ASTN2: variants seen among roughly 807,000 people sequenced by gnomAD.
ASTN2 encodes the protein astrotactin-2.
ASTN2 carries 54 observed loss-of-function variants against 139.8 expected under a neutral mutation model. That is an observed-to-expected ratio of 0.39 (90% CI 0.31 to 0.48). The LOEUF is 0.48. ASTN2 is among the 20% of genes least tolerant of loss of function. The pLI, the probability that ASTN2 is intolerant of heterozygous loss-of-function variation, is 0.95. For synonymous variants in ASTN2, 756 were observed against 719.5 expected (o/e 1.05, Z -0.81); for missense variants, 1,565 against 1,725.1 (o/e 0.91, Z 1.64).
intron 1 of ASTN2, among the ~76,000 whole-genome samples, chr9:117,332,665 A>G (rs1828750070): frequency 6.6e-6 from 1 of 152,200 alleles, no homozygotes; most frequent in Non-Finnish European, 1.5e-5. Context: ...ACTTGCCTAA[A>G]GCAAGAGCTA....
chr9:116,752,332 AAAAC>A (rs1829422245), intron 13 of ASTN2, among the ~76,000 whole-genome samples: 1 of 152,204 alleles, frequency 6.6e-6, no homozygotes, highest in Admixed American at 6.5e-5. Context: ...AAGAAGAAGA[AAAAC>A]AGACAAAAAT....
chr9:116,929,152 G>T (rs1392714482), intron 10 of ASTN2, among the ~76,000 whole-genome samples: 2 of 152,190 alleles, frequency 1.3e-5, no homozygotes, highest in African/African-American at 4.8e-5. Context: ...AACAAGGAAG[G>T]CTGTGTGCAG....
chr9:117,374,975 C>T (rs1393700079), intron 1 of ASTN2, among the ~76,000 whole-genome samples: 4 of 152,200 alleles, frequency 2.6e-5, no homozygotes, highest in African/African-American at 9.7e-5. Context: ...GACTCAGCTA[C>T]CAAGATCATC....
chr9:117,404,608 C>A (rs1830928216), intron 1 of ASTN2, among the ~76,000 whole-genome samples: 1 of 152,168 alleles, frequency 6.6e-6, no homozygotes, highest in African/African-American at 2.4e-5. Flanking sequence ...AACACGAAAA[C>A]TGCACAATGA....
chr9:117,295,113 G>A (rs1255063699), intron 1 of ASTN2, among the ~76,000 whole-genome samples: 1 of 152,122 alleles, frequency 6.6e-6, no homozygotes, highest in Admixed American at 6.5e-5. Context: ...CTTGAAGCCA[G>A]GCATTTGAGA....
At chr9:116,475,948 C>T (rs1391162899) in intron 20 of ASTN2, among the ~76,000 whole-genome samples, 6 of 152,208 alleles carry the variant, frequency 3.9e-5, no homozygotes, top group Admixed American at 3.9e-4. Context: ...ACAGTCTGTC[C>T]TCTGTCCCAA....
chr9:116,631,463 T>C (rs1257895965), intron 17 of ASTN2, among the ~76,000 whole-genome samples: 2 of 152,126 alleles, frequency 1.3e-5, no homozygotes, highest in Non-Finnish European at 2.9e-5. Context: ...ATAAGCCAGC[T>C]ACAGAAAGAA....
chr9:117,055,000 C>T (rs538272324), intron 5 of ASTN2, among the ~76,000 whole-genome samples: 7 of 152,184 alleles, frequency 4.6e-5, no homozygotes, highest in African/African-American at 1.2e-4. Flanking sequence ...GAGAATCTAA[C>T]GCTGCAGCTG....
chr9:116,478,783 A>G (rs1849073815), intron 20 of ASTN2, among the ~76,000 whole-genome samples: 1 of 152,008 alleles, frequency 6.6e-6, no homozygotes, highest in Non-Finnish European at 1.5e-5. Flanking sequence ...TCACGAGGTC[A>G]GGAGTTCGAA....
In ASTN2 at chr9:116,979,658, C is replaced by T. The variant is rs553768014; in HGVS notation, c.1592-2873G>A. ...ACTCCCAGGACTGATTTATGATCTG[C>T]TACAAGCCACAGGCCTCATGATTCA... On this transcript the variant is annotated intron_variant, in intron 7 of 22. Transcript: ENST00000313400. Among the ~76,000 whole-genome samples, 133 of 152,154 alleles carry T rather than the reference C, an allele frequency of 8.7e-4. 1 individual carries two copies. The highest frequency in any genetic ancestry group is 3.2e-3 in the African/African-American group (132 of 41,508).
At chr9:116,968,430 A>G (rs10759878) in intron 10 of ASTN2, among the ~76,000 whole-genome samples, 31,779 of 152,128 alleles carry the variant, frequency 0.21, 4,140 homozygotes, top group Admixed American at 0.33. Context: ...GAATGAATAC[A>G]CTACCCTAAA....
At chr9:117,175,497 A>G (rs1054057729) in intron 3 of ASTN2, among the ~76,000 whole-genome samples, 1 of 152,172 alleles carries the variant, frequency 6.6e-6, no homozygotes, top group African/African-American at 2.4e-5. Context: ...TTTACAGAAG[A>G]AAATGAATGA....
chr9:116,732,759 G>C (rs1828822246), intron 14 of ASTN2, among the ~76,000 whole-genome samples: 1 of 152,174 alleles, frequency 6.6e-6, no homozygotes, highest in African/African-American at 2.4e-5. Context: ...TGGTTGCAGG[G>C]GTGGGGGAGC....
intron 13 of ASTN2, among the ~76,000 whole-genome samples, chr9:116,776,987 G>T (rs12236431): frequency 6.6e-6 from 1 of 152,144 alleles, no homozygotes; most frequent in Non-Finnish European, 1.5e-5. Flanking sequence ...ACATCGTAAA[G>T]GTTCTGGATT....
intron 10 of ASTN2, among the ~76,000 whole-genome samples, chr9:116,929,202 A>C (rs561796365): frequency 6.6e-6 from 1 of 152,196 alleles, no homozygotes; most frequent in Non-Finnish European, 1.5e-5. Flanking sequence ...CTTAGTACAC[A>C]GACACTGTAA....
intron 11 of ASTN2, among the ~76,000 whole-genome samples, chr9:116,845,157 C>T (rs1369980837): frequency 6.6e-6 from 1 of 152,156 alleles, no homozygotes; most frequent in Non-Finnish European, 1.5e-5. Flanking sequence ...CTGTGTTGCC[C>T]AGGCTGGAGT....
At chr9:116,780,950 CT>C (rs1830204570) in intron 13 of ASTN2, among the ~76,000 whole-genome samples, 1 of 151,908 alleles carries the variant, frequency 6.6e-6, no homozygotes, top group Non-Finnish European at 1.5e-5. Context: ...AGTGATTCTC[CT>C]GCCTCAGCCT....
At chr9:117,094,394 G>A (rs913633221) in intron 5 of ASTN2, among the ~76,000 whole-genome samples, 4 of 152,146 alleles carry the variant, frequency 2.6e-5, no homozygotes, top group Admixed American at 6.5e-5. Context: ...AGTGATGAAT[G>A]TTTTTCCAAT....
intron 10 of ASTN2, among the ~76,000 whole-genome samples, chr9:116,866,514 A>C (rs1297169534): frequency 6.6e-6 from 1 of 152,166 alleles, no homozygotes; most frequent in Non-Finnish European, 1.5e-5. Flanking sequence ...CTTTTGAATC[A>C]TGAAGAGAGT....
Sources: allele counts gnomAD v4.1 joint callset (sites outside exome capture counted in the v4.1 genomes callset), GRCh38; gene constraint gnomAD v4.1.1; transcripts MANE v1.5; gene names NCBI Gene and HGNC (gene_info 2026-07-23, HGNC 2026-07-21).